The following SRSF11 variants were observed in gnomAD, a reference collection of about 807,000 sequenced individuals.
SRSF11 encodes the protein serine and arginine rich splicing factor 11.
In SRSF11, 9 loss-of-function variants were observed where a neutral mutation model predicts 56.0. The ratio of observed to expected loss-of-function variants is 0.16; its 90% confidence interval spans 0.10 to 0.28. The LOEUF is 0.28. Ranked by LOEUF, SRSF11 falls within the 10% of genes least tolerant of loss-of-function variation. The probability of loss-of-function intolerance (pLI) is 1.00; values close to 1 mark genes in which losing one functional copy is unlikely to be tolerated. For missense variants in SRSF11, 421 were observed against 600.7 expected, an observed-to-expected ratio of 0.70 and a Z score of 3.13; for synonymous variants, 222 against 215.3, an observed-to-expected ratio of 1.03 and a Z score of -0.27.
At chr1:70,213,298 A>G (rs908324760) in intron 1 of SRSF11, among the ~76,000 whole-genome samples, 2 of 152,200 alleles carry the variant, frequency 1.3e-5, no homozygotes, top group Non-Finnish European at 2.9e-5. Flanking sequence ...CACATAGGGG[A>G]GTAGAATCAG....
chr1:70,242,680 T>C (rs769649001), intron 7 of SRSF11, among the ~76,000 whole-genome samples: 1 of 152,178 alleles, frequency 6.6e-6, no homozygotes, highest in African/African-American at 2.4e-5. Context: ...ATTAAAAATA[T>C]GTTACACTAA....
chr1:70,232,461 C>T (rs1673017011), intron 3 of SRSF11, 84 bp downstream of exon 3: 1 of 1,021,486 alleles, frequency 9.8e-7, no homozygotes, highest in South Asian at 1.6e-5. Flanking sequence ...TTTGTAAGTA[C>T]TCATAAGATT....
At chr1:70,235,816 C>T (rs1417760101) in intron 5 of SRSF11, among the ~76,000 whole-genome samples, 3 of 152,142 alleles carry the variant, frequency 2.0e-5, no homozygotes, top group Non-Finnish European at 2.9e-5. Flanking sequence ...GGGACAACTT[C>T]GTTTGAAGAT....
At chr1:70,215,978 G>T (rs1255907960) in intron 1 of SRSF11, among the ~76,000 whole-genome samples, 1 of 152,164 alleles carries the variant, frequency 6.6e-6, no homozygotes, top group East Asian at 1.9e-4. Context: ...TAGAGACGGG[G>T]TTTCTCCGTA....
rs1488528626 is a variant in SRSF11, at chr1:70,242,322, AATC to A, written c.801-2359_801-2357del. On this transcript the variant is annotated intron_variant, in intron 7 of 11. Coordinates refer to ENST00000370949, the MANE Select transcript of SRSF11 (RefSeq NM_001350605.2). ...GATACTTGTAATACATCGTAACAGA[AATC>A]ATTGTTGTGGGTTGTGGTAACCCTC... Among the ~76,000 whole-genome samples, 4 of 151,916 alleles carry A rather than the reference AATC, an allele frequency of 2.6e-5. No homozygotes were observed. The East Asian group carries it at 7.7e-4, about 29-fold the overall frequency.
chr1:70,231,357 G>A (rs1207529167), intron 2 of SRSF11: 1 of 1,056,340 alleles, frequency 9.5e-7, no homozygotes, highest in African/African-American at 1.7e-5. Context: ...TTTTGCTGTT[G>A]GATAGAATTT....
intron 3 of SRSF11, 80 bp from the exon 4 acceptor site, chr1:70,234,616 C>G (rs969771294): frequency 2.0e-5 from 23 of 1,161,198 alleles, no homozygotes; most frequent in Middle Eastern, 3.0e-4. Context: ...TTATCTGACC[C>G]TTTACATTAA....
chr1:70,246,620 A>T, intron 8 of SRSF11, 198 bp from the exon 9 acceptor site: 2 of 414,314 alleles, frequency 4.8e-6, no homozygotes, highest in Non-Finnish European at 8.8e-6. Context: ...AAAACCTAGG[A>T]TAATAGGATT....
At chr1:70,250,540 TG>T (rs755331495) in intron 11 of SRSF11, 37 bp downstream of exon 11, 21 of 1,607,814 alleles carry the variant, frequency 1.3e-5, no homozygotes, top group African/African-American at 1.1e-4. Flanking sequence ...ATATTTGGGG[TG>T]ATGTTGGTAC....
At chr1:70,241,719 G>T (rs775205447) in intron 7 of SRSF11, among the ~76,000 whole-genome samples, 12 of 152,126 alleles carry the variant, frequency 7.9e-5, no homozygotes, top group African/African-American at 2.4e-4. Flanking sequence ...TTCCATTTCC[G>T]CTTTGAGGAA....
At chr1:70,242,394 C>G (rs1423468428) in intron 7 of SRSF11, among the ~76,000 whole-genome samples, 2 of 151,968 alleles carry the variant, frequency 1.3e-5, no homozygotes, top group Admixed American at 1.3e-4. Context: ...CCACCAGGCT[C>G]AAGCCATCCT....
chr1:70,217,470 A>G (rs899085348), upstream of SRSF11, among the ~76,000 whole-genome samples: 2 of 151,970 alleles, frequency 1.3e-5, no homozygotes, highest in Admixed American at 6.6e-5. Context: ...TTGTTTTTTT[A>G]TTGAAAGTCT....
chr1:70,223,913 A>G (rs761343476), intron 1 of SRSF11, among the ~76,000 whole-genome samples: 10 of 152,170 alleles, frequency 6.6e-5, no homozygotes, highest in South Asian at 2.1e-4. Flanking sequence ...TGTAACTATT[A>G]TCTACACAGT....
intron 4 of SRSF11, 92 bp from the exon 5 acceptor site, chr1:70,235,409 C>T: frequency 9.6e-7 from 1 of 1,046,940 alleles, no homozygotes; most frequent in South Asian, 1.5e-5. Context: ...ATGTAGTCTG[C>T]ATGGATTTCT....
chr1:70,220,865 A>G (rs1670476207), upstream of SRSF11: 1 of 152,182 alleles, frequency 6.6e-6, no homozygotes, highest in Admixed American at 6.5e-5. Context: ...AAAGTCATCC[A>G]TTGTGAATGA....
chr1:70,205,708 G>A (rs1668941983), upstream of SRSF11: 2 of 597,040 alleles, frequency 3.3e-6, no homozygotes, highest in South Asian at 3.4e-5. Flanking sequence ...CAGCACCAGC[G>A]CCTGGGCTGG....
intron 2 of SRSF11, chr1:70,230,993 A>G (rs900459062): frequency 5.5e-6 from 7 of 1,275,256 alleles, no homozygotes; most frequent in African/African-American, 1.5e-5. Context: ...AGTGCTGTGT[A>G]GTATACATTT....
In SRSF11 at chr1:70,250,447, A is replaced by T. The variant is rs1677746655; in HGVS notation, c.1201A>T (p.Ser401Cys). ...ACGATCAACAAGCAAGAAGAAGAAGAGTAAAGATAAGGAAAAGGACCGGGA... is the reference window on the plus strand; with the variant it reads ...ACGATCAACAAGCAAGAAGAAGAAGTGTAAAGATAAGGAAAAGGACCGGGA... Reference protein sequence around the residue: ...RERSTSKKKKSKDKEKDRERK... With the variant: ...RERSTSKKKKCKDKEKDRERK... Residue 401 changes from serine (S) to cysteine (C), a missense_variant, in exon 11 of 12, where the codon AGT (serine) becomes TGT (cysteine). Physicochemically the swap from Ser to Cys is moderately radical, Grantham distance 112. Coordinates refer to ENST00000370949, the MANE Select transcript of SRSF11 (RefSeq NM_001350605.2). 1.3e-6 allele frequency: 2 copies of T among 1,592,540 alleles called. No individual in the cohort carries two copies. Among genetic ancestry groups the T allele is most frequent in the East Asian group, 4.5e-5 (2 of 44,706 alleles).
rs1299094011 is a variant in SRSF11 at position 70,221,412 on chromosome 1, GT to G, written c.-222del. On this transcript the variant is annotated 5_prime_UTR_variant, in exon 1 of 12. Coordinates refer to ENST00000370949, the MANE Select transcript of SRSF11 (RefSeq NM_001350605.2). ...TGGTTGGAGGCGAGGTGGGGCGGCCGTTTGTTTTCTCGTGGTCTCGAGCTCG... is the reference window on the plus strand; with the variant it reads ...TGGTTGGAGGCGAGGTGGGGCGGCCGTTGTTTTCTCGTGGTCTCGAGCTCG... 1 of 555,024 alleles carries G rather than the reference GT, an allele frequency of 1.8e-6. No individual in the cohort carries two copies. The highest frequency in any genetic ancestry group is 2.0e-5 in the African/African-American group (1 of 50,834). The allele number at this position is 555,024 out of a possible 1,614,324, so 34.4% of individuals were successfully genotyped here.
Sources: gnomAD v4.1 joint callset for allele counts (sites outside exome capture counted in the v4.1 genomes callset) on GRCh38, gnomAD v4.1.1 for gene constraint, MANE v1.5 for transcripts, NCBI Gene and HGNC (gene_info 2026-07-23, HGNC 2026-07-21) for gene names.